Variants in VPS45 observed in about 807,000 individuals in gnomAD.
VPS45 encodes the protein vacuolar protein sorting 45 homolog.
In VPS45, 35 loss-of-function variants were observed where a neutral mutation model predicts 75.9. The ratio of observed to expected loss-of-function variants is 0.46; its 90% CI spans 0.35 to 0.61. The LOEUF is 0.61. Ranked by LOEUF, VPS45 falls within the 20% of genes least tolerant of loss-of-function variation. The pLI, the probability that VPS45 is intolerant of heterozygous loss-of-function variation, is 0.00. For synonymous variants in VPS45, 220 were observed against 238.2 expected (o/e 0.92, Z 0.70); for missense variants, 559 against 685.9 (o/e 0.81, Z 2.07).
At chr1:150,130,562 A>G (rs1036180772) in intron 14 of VPS45, among the ~76,000 whole-genome samples, 2 of 152,168 alleles carry the variant, frequency 1.3e-5, no homozygotes, top group African/African-American at 4.8e-5. Context: ...GCTTATCTAT[A>G]TCATTTTTAA....
chr1:150,076,410 G>T, intron 4 of VPS45, 98 bp downstream of exon 4: 1 of 866,476 alleles, frequency 1.2e-6, no homozygotes, highest in Non-Finnish European at 1.7e-6. Flanking sequence ...CTCAAAAGAA[G>T]TTTTATTATG....
chr1:150,103,518 A>G (rs1553805067), intron 13 of VPS45, among the ~76,000 whole-genome samples: 1 of 152,192 alleles, frequency 6.6e-6, no homozygotes, highest in African/African-American at 2.4e-5. Flanking sequence ...CTATCCCTGT[A>G]TCTAGGTTTT....
At chr1:150,144,576 C>A in intron 14 of VPS45, 133 bp from the exon 15 acceptor site, 1 of 739,438 alleles carries the variant, frequency 1.4e-6, no homozygotes, top group Non-Finnish European at 2.2e-6. Flanking sequence ...CATTCTATAC[C>A]CAAATATCAG....
chr1:150,077,006 T>G, intron 5 of VPS45, 22 bp downstream of exon 5: 2 of 1,614,102 alleles, frequency 1.2e-6, no homozygotes, highest in Admixed American at 1.7e-5. Context: ...AAGGTTTAAT[T>G]TATCAGTCGA....
In VPS45 at chr1:150,110,403, A is replaced by AG. The variant is rs1657581367; in HGVS notation, c.1494-93_1494-92insG. ...CTTTAATTCTGCTTCCTCCACCAAA[A>AG]AAAAAGATTTAGAAATTAAAACTCT... On this transcript the variant is annotated intron_variant, in intron 13 of 14. Coordinates refer to ENST00000644510, the MANE Select transcript of VPS45 (RefSeq NM_007259.5). The AG allele has an allele frequency of 3.8e-6, 5 of 1,322,342 alleles. No individual in the cohort carries two copies. The South Asian group carries it at 7.2e-5, about 19-fold the overall frequency. The allele number at this position is 1,322,342 out of a possible 1,614,324, so 81.9% of individuals were successfully genotyped here.
intron 2 of VPS45, among the ~76,000 whole-genome samples, chr1:150,071,096 A>G (rs1655045525): frequency 6.6e-6 from 1 of 152,130 alleles, no homozygotes; most frequent in Non-Finnish European, 1.5e-5. Context: ...TTTCCCCATT[A>G]ATAAGCAGTA....
chr1:150,071,291 G>A (rs782164097), intron 2 of VPS45, among the ~76,000 whole-genome samples: 1 of 151,778 alleles, frequency 6.6e-6, no homozygotes, highest in Non-Finnish European at 1.5e-5. Context: ...CAACTTTTTT[G>A]TTTTAAACTT....
At chr1:150,082,548 A>G (rs1393670193) in intron 9 of VPS45, among the ~76,000 whole-genome samples, 168 bp from the exon 10 acceptor site, 1 of 151,806 alleles carries the variant, frequency 6.6e-6, no homozygotes, top group Admixed American at 6.6e-5. Flanking sequence ...ACCAACATAT[A>G]CCAGTTCTTC....
intron 13 of VPS45, chr1:150,110,207 T>C (rs1305038192): frequency 3.6e-6 from 1 of 278,088 alleles, no homozygotes; most frequent in Admixed American, 4.8e-5. Flanking sequence ...AAAAGAATAT[T>C]TCTACATTTG....
chr1:150,072,116 T>A (rs1655107138), intron 2 of VPS45, 50 bp from the exon 3 acceptor site: 1 of 1,519,880 alleles, frequency 6.6e-7, no homozygotes, highest in Non-Finnish European at 9.0e-7. Context: ...ATTACTTTTT[T>A]CCTTAAGCAA....
At chr1:150,090,115 T>C (rs1421727639) in intron 10 of VPS45, among the ~76,000 whole-genome samples, 2 of 152,352 alleles carry the variant, frequency 1.3e-5, no homozygotes, top group East Asian at 3.9e-4. Flanking sequence ...TGTAAAGTAA[T>C]CATATAGTTG....
Position 150,082,746 on chromosome 1 carries a change from A to G in VPS45, c.967A>G (p.Lys323Glu). The G allele has an allele frequency of 6.2e-6, 10 of 1,613,774 alleles. No individual in the cohort carries two copies. Among genetic ancestry groups the G allele is most frequent in the Non-Finnish European group, 8.5e-6 (10 of 1,179,914 alleles). The change falls in exon 10 of 15, where the codon AAA becomes GAA. Residue 323 changes from lysine (K) to glutamate (E), a missense_variant. Physicochemically the swap from Lys to Glu is moderately conservative, Grantham distance 56. Coordinates refer to ENST00000644510, the MANE Select transcript of VPS45 (RefSeq NM_007259.5). ...TGTTGAGAATTATCCACAGTTCAAG[A>G]AAATGTCTGGGACTGTTTCAAAGCA... is the stretch of plus-strand genomic sequence containing the variant. ...AFVENYPQFKKMSGTVSKHVT... is the reference protein window; with the variant it reads ...AFVENYPQFKEMSGTVSKHVT...
intron 10 of VPS45, among the ~76,000 whole-genome samples, chr1:150,088,448 T>TATATATATATATATATATATATATAA (rs1656138151): frequency 7.1e-6 from 1 of 140,388 alleles, no homozygotes; most frequent in African/African-American, 2.7e-5. Context: ...TATATATATA[T>TATATATATATATATATATATATATAA]ATATATATGC....
At position 150,067,795 on chromosome 1, in the gene VPS45, G is replaced by A. The variant is rs1049568818; in HGVS notation, c.-63G>A. 2.6e-6 allele frequency: 4 copies of A among 1,540,694 alleles called. No homozygotes were observed. The highest frequency in any genetic ancestry group is 2.7e-5 in the African/African-American group (2 of 73,336). ...GCAGCTGAGACCCGGCCAACAGACT[G>A]GGGGTTAATTTAGCCAGAAAAGGGG... On this transcript the variant is annotated 5_prime_UTR_variant, in exon 1 of 15. Transcript: ENST00000644510.
intron 2 of VPS45, among the ~76,000 whole-genome samples, chr1:150,071,448 C>A (rs60138147): frequency 0.027 from 4,105 of 152,154 alleles, 164 homozygotes; most frequent in African/African-American, 0.093. Context: ...TTTTCTCTTG[C>A]ATGTTAATTT....
intron 14 of VPS45, among the ~76,000 whole-genome samples, chr1:150,136,559 C>T (rs1265231721): frequency 6.6e-6 from 1 of 151,578 alleles, no homozygotes; most frequent in African/African-American, 2.4e-5. Context: ...CCATCTCAAA[C>T]AAACAAACAA....
intron 14 of VPS45, among the ~76,000 whole-genome samples, chr1:150,121,103 T>C (rs149423966): frequency 0.022 from 3,271 of 151,978 alleles, 98 homozygotes; most frequent in African/African-American, 0.074. Flanking sequence ...GATCCACCCT[T>C]CTCAGCCTCC....
intron 6 of VPS45, 138 bp from the exon 7 acceptor site, chr1:150,077,531 C>A: frequency 1.4e-6 from 1 of 713,526 alleles, no homozygotes; most frequent in Non-Finnish European, 2.3e-6. Flanking sequence ...CTTTGTGAGA[C>A]TTTTGAATCC....
At chr1:150,115,405 G>GTT (rs1657877016) in intron 14 of VPS45, among the ~76,000 whole-genome samples, 2 of 152,040 alleles carry the variant, frequency 1.3e-5, no homozygotes, top group Admixed American at 1.3e-4. Flanking sequence ...TGATGTTTTT[G>GTT]TTAGTATCCT....
Sources: gnomAD v4.1 joint callset for allele counts (sites outside exome capture counted in the v4.1 genomes callset) on GRCh38, gnomAD v4.1.1 for gene constraint, MANE v1.5 for transcripts, NCBI Gene and HGNC (gene_info 2026-07-23, HGNC 2026-07-21) for gene names.